Variants in ASTN1 observed in about 807,000 individuals in gnomAD.
ASTN1 encodes the protein astrotactin 1.
Under a neutral mutation model 140.7 loss-of-function variants are expected in ASTN1, and 41 were observed. The observed-to-expected ratio is 0.29, with a 90% CI of 0.23 to 0.38. The LOEUF is 0.38. Ranked by LOEUF, ASTN1 falls within the 10% of genes least tolerant of loss-of-function variation. The pLI is 1.00. For synonymous variants in ASTN1, 640 were observed against 652.2 expected (o/e 0.98, Z 0.29); for missense variants, 1,479 against 1,678.8 (o/e 0.88, Z 2.08).
rs185505565 is a variant in ASTN1, at chr1:176,883,294, G to A, written c.3227-300C>T. The stretch of plus-strand genomic sequence containing the variant: ...GTCACCCAGGCTAGAGTGCAGTGGC[G>A]CGATCTTGTCTCACTGCAACCTCCG... On this transcript the variant is annotated intron_variant, in intron 19 of 22. Coordinates refer to ENST00000361833, the MANE Select transcript of ASTN1 (RefSeq NM_004319.3). 4.7e-5 allele frequency among the ~76,000 whole-genome samples: 7 copies of A among 149,062 alleles called. No individual in the cohort carries two copies. The East Asian group carries it at 1.0e-3, about 21-fold the overall frequency.
intron 1 of ASTN1, among the ~76,000 whole-genome samples, chr1:177,149,182 G>GTA (rs1330881883): frequency 9.1e-6 from 1 of 109,580 alleles, no homozygotes; most frequent in African/African-American, 4.0e-5. Flanking sequence ...AATATATAGT[G>GTA]TATATATATA....
intron 1 of ASTN1, among the ~76,000 whole-genome samples, chr1:177,156,688 C>A (rs1683253830): frequency 6.6e-6 from 1 of 152,154 alleles, no homozygotes; most frequent in Admixed American, 6.5e-5. Flanking sequence ...GCTCCCCATT[C>A]CTTTGGAATA....
chr1:176,867,919 T>TTACC (rs1553217797), intron 22 of ASTN1, among the ~76,000 whole-genome samples: 21 of 150,736 alleles, frequency 1.4e-4, no homozygotes, highest in African/African-American at 4.9e-4. Flanking sequence ...ATTTTCTTCA[T>TTACC]TTCCTTCCTT....
At chr1:176,941,987 TG>T (rs1273516484) in intron 14 of ASTN1, among the ~76,000 whole-genome samples, 1 of 152,222 alleles carries the variant, frequency 6.6e-6, no homozygotes, top group East Asian at 1.9e-4. Flanking sequence ...TATGTGTGCA[TG>T]TGCGCGTGTG....
chr1:176,993,089 C>T (rs575497562), intron 8 of ASTN1, among the ~76,000 whole-genome samples: 12 of 152,208 alleles, frequency 7.9e-5, no homozygotes, highest in Non-Finnish European at 1.3e-4. Flanking sequence ...TCAAAAGAAC[C>T]CAGCAGTGCT....
intron 1 of ASTN1, among the ~76,000 whole-genome samples, chr1:177,127,737 C>A (rs1681726690): frequency 6.6e-6 from 1 of 152,130 alleles, no homozygotes; most frequent in African/African-American, 2.4e-5. Flanking sequence ...CATATTTGGC[C>A]CACAGTGTTA....
chr1:177,052,402 TA>T (rs1359832219), intron 2 of ASTN1, among the ~76,000 whole-genome samples: 3 of 152,206 alleles, frequency 2.0e-5, no homozygotes, highest in Non-Finnish European at 2.9e-5. Context: ...ATTTAATAAT[TA>T]AAACAGCCCT....
At chr1:177,127,850 T>C (rs1681733069) in intron 1 of ASTN1, among the ~76,000 whole-genome samples, 2 of 152,250 alleles carry the variant, frequency 1.3e-5, no homozygotes, top group Admixed American at 6.5e-5. Context: ...TGTACGCATA[T>C]GATGCAAAAC....
chr1:176,962,790 C>A (rs1672722762), intron 9 of ASTN1, among the ~76,000 whole-genome samples: 1 of 152,156 alleles, frequency 6.6e-6, no homozygotes, highest in Non-Finnish European at 1.5e-5. Flanking sequence ...GATCATCGGT[C>A]ATTTTTAAAG....
chr1:177,108,497 A>T (rs1234751555), intron 1 of ASTN1, among the ~76,000 whole-genome samples: 3 of 152,178 alleles, frequency 2.0e-5, no homozygotes, highest in African/African-American at 7.2e-5. Flanking sequence ...CATGTCTTCA[A>T]GGTTTCTCCA....
At chr1:177,019,237 T>A (rs537253532) in intron 7 of ASTN1, among the ~76,000 whole-genome samples, 14 of 152,300 alleles carry the variant, frequency 9.2e-5, no homozygotes, top group African/African-American at 3.1e-4. Flanking sequence ...ACCATCTACT[T>A]CATAGTGTTA....
intron 1 of ASTN1, among the ~76,000 whole-genome samples, chr1:177,078,104 T>C (rs1679004133): frequency 6.6e-6 from 1 of 151,956 alleles, no homozygotes; most frequent in African/African-American, 2.4e-5. Context: ...AGAAAAAACA[T>C]GTGGCATAGA....
chr1:177,086,545 A>C (rs1307328771), intron 1 of ASTN1, among the ~76,000 whole-genome samples: 1 of 152,224 alleles, frequency 6.6e-6, no homozygotes, highest in Non-Finnish European at 1.5e-5. Context: ...GATGTTATGC[A>C]CATATGATGG....
At chr1:177,038,556 G>A (rs961555379) in intron 2 of ASTN1, among the ~76,000 whole-genome samples, 10 of 152,084 alleles carry the variant, frequency 6.6e-5, no homozygotes, top group African/African-American at 2.4e-4. Flanking sequence ...AAAGGAAGAA[G>A]CATCATCAAC....
chr1:176,898,938 A>G (rs1669641690), intron 16 of ASTN1, among the ~76,000 whole-genome samples: 2 of 152,180 alleles, frequency 1.3e-5, no homozygotes, highest in Admixed American at 1.3e-4. Context: ...TTAAGGTCTC[A>G]AAATCTTATA....
In ASTN1 at chr1:176,861,080, CTTTGT is replaced by C; in HGVS notation, c.*3199_*3203del. On this transcript the variant is annotated 3_prime_UTR_variant, in exon 23 of 23. Coordinates refer to ENST00000361833, the MANE Select transcript of ASTN1 (RefSeq NM_004319.3). ...CCACATACCCAATGCTTACTAATAG[CTTTGT>C]TTTATTATTCAGTTAATTATTTCAT... is the stretch of plus-strand genomic sequence containing the variant. 2 of 954,344 alleles carry C rather than the reference CTTTGT, an allele frequency of 2.1e-6. No homozygotes were observed. The highest frequency in any genetic ancestry group is 4.8e-5 in the South Asian group (1 of 20,634). 59.1% of individuals were successfully genotyped at this position (954,344 alleles called of 1,614,324 possible).
In ASTN1 at chr1:177,024,682, T is replaced by A; in HGVS notation, c.1171A>T (p.Ile391Phe). 1.9e-6 allele frequency: 3 copies of A among 1,614,010 alleles called. No individual in the cohort carries two copies. The highest frequency in any genetic ancestry group is 1.7e-6 in the Non-Finnish European group (2 of 1,179,956). ...VNKTTLTLIS[I>F]TSCVIGLVCS... is the part of the protein sequence containing the mutation. ...ACGAGGCCAATCACACAGCTGGTGATGCTGATCAGGGTCAAGGTGGTCTTA... is the reference window on the plus strand; with the variant it reads ...ACGAGGCCAATCACACAGCTGGTGAAGCTGATCAGGGTCAAGGTGGTCTTA... The change falls in exon 6 of 23, where the codon ATC becomes TTC. Residue 391 changes from isoleucine (I) to phenylalanine (F), a missense_variant. Transcript: ENST00000361833.
At position 176,864,235 on chromosome 1, in the gene ASTN1, C is replaced by T. The variant is rs1308597758; in HGVS notation, c.*49G>A. 9 of 1,595,296 alleles carry T rather than the reference C, an allele frequency of 5.6e-6. No individual in the cohort carries two copies. Among genetic ancestry groups the T allele is most frequent in the Non-Finnish European group, 7.7e-6 (9 of 1,170,466 alleles). On this transcript the variant is annotated 3_prime_UTR_variant, in exon 23 of 23. Transcript: ENST00000361833. The stretch of plus-strand genomic sequence containing the variant: ...ATCCACAGACCAACCCAGATGGATC[C>T]CTCCTCTTTCCTACTTCATTCTGGC...
At chr1:176,964,034 T>C (rs906256335) in intron 9 of ASTN1, among the ~76,000 whole-genome samples, 11 of 152,122 alleles carry the variant, frequency 7.2e-5, no homozygotes, top group African/African-American at 2.2e-4. Context: ...GCACGCCTAA[T>C]AGAACACTGC....
Sources: gnomAD v4.1 joint callset for allele counts (sites outside exome capture counted in the v4.1 genomes callset) on GRCh38, gnomAD v4.1.1 for gene constraint, MANE v1.5 for transcripts, NCBI Gene and HGNC (gene_info 2026-07-23, HGNC 2026-07-21) for gene names.